Variants in DMD observed in about 807,000 individuals in gnomAD.
DMD encodes the protein dystrophin.
A neutral mutation model predicts 330.1 loss-of-function variants in DMD; 63 were observed. The observed-to-expected ratio is 0.19, with a 90% CI of 0.16 to 0.24. The LOEUF (loss-of-function observed/expected upper bound fraction) is 0.24, where lower values mean the gene tolerates loss of function less well. Ranked by LOEUF, DMD falls within the 10% of genes least tolerant of loss-of-function variation. The pLI is 1.00. For missense variants in DMD, 3,344 were observed against 2,684.1 expected, an observed-to-expected ratio of 1.25 and a Z score of -5.43; for synonymous variants, 1,223 against 959.8, an observed-to-expected ratio of 1.27 and a Z score of -5.07.
chrX:33,171,704 T>C (rs199510373), intron 1 of DMD, among the ~76,000 whole-genome samples: 2 of 111,842 alleles, frequency 1.8e-5, no homozygotes, highest in East Asian at 5.6e-4. Context: ...TGCTGCATTT[T>C]ATTAAATTAG....
chrX:32,242,093 C>A (rs189422112), intron 43 of DMD, among the ~76,000 whole-genome samples: 48 of 111,839 alleles, frequency 4.3e-4, no homozygotes, highest in African/African-American at 1.4e-3. Flanking sequence ...GACATGGAGG[C>A]CTGAATCCTA....
At chrX:31,187,376 C>A (rs966367853) in intron 67 of DMD, among the ~76,000 whole-genome samples, 2 of 111,884 alleles carry the variant, frequency 1.8e-5, no homozygotes, top group African/African-American at 6.5e-5. Flanking sequence ...TATGACACGG[C>A]TTAGTTTGCC....
intron 7 of DMD, among the ~76,000 whole-genome samples, chrX:32,725,732 G>A (rs995641014): frequency 9.1e-6 from 1 of 110,486 alleles, no homozygotes; most frequent in African/African-American, 3.3e-5. Context: ...TGGTTAATGG[G>A]TACAAAAATT....
chrX:31,922,625 C>G (rs1003445760), intron 47 of DMD, among the ~76,000 whole-genome samples: 6 of 110,365 alleles, frequency 5.4e-5, no homozygotes, highest in African/African-American at 2.0e-4. Flanking sequence ...AGTGTCAGGA[C>G]TGAATTAGAG....
At chrX:31,630,557 G>T (rs2079082081) in intron 54 of DMD, among the ~76,000 whole-genome samples, 1 of 110,987 alleles carries the variant, frequency 9.0e-6, no homozygotes, top group Non-Finnish European at 1.9e-5. Flanking sequence ...AATGAGTCAA[G>T]AATACTTAAT....
intron 62 of DMD, among the ~76,000 whole-genome samples, chrX:31,318,706 A>G (rs760976485): frequency 8.9e-6 from 1 of 112,288 alleles, no homozygotes; most frequent in Non-Finnish European, 1.9e-5. Context: ...TGAGCATTGC[A>G]TGTAAAAAAA....
chrX:32,406,021 A>G (rs1375192021), intron 30 of DMD, among the ~76,000 whole-genome samples: 1 of 111,257 alleles, frequency 9.0e-6, no homozygotes, highest in Non-Finnish European at 1.9e-5. Flanking sequence ...GCAATTGCGA[A>G]TGGGAGTTCA....
chrX:32,565,788 C>A lies in DMD; in HGVS notation c.1906G>T (p.Val636Leu), dbSNP rs2051629630. 1 of 1,211,272 alleles carries A rather than the reference C, an allele frequency of 8.3e-7. No homozygotes were observed. Among genetic ancestry groups the A allele is most frequent in the East Asian group, 3.0e-5 (1 of 33,831 alleles). The stretch of plus-strand genomic sequence containing the variant: ...AGCCATGCTTCCGTCTTCTGGGTCA[C>A]TGACTTATTCTTCAGTGTTGAAAGA... Reference protein sequence around the residue: ...DLLSTLKNKSVTQKTEAWLDN... With the variant: ...DLLSTLKNKSLTQKTEAWLDN... The change falls in exon 16 of 79, where the codon GTG becomes TTG. Residue 636 changes from valine (V) to leucine (L), a missense_variant. Coordinates refer to ENST00000357033, the MANE Select transcript of DMD (RefSeq NM_004006.3).
intron 16 of DMD, among the ~76,000 whole-genome samples, chrX:32,554,931 AAGAAAGAAAGAGAGAG>A (rs2050108724): frequency 6.9e-5 from 2 of 28,969 alleles, no homozygotes; most frequent in African/African-American, 6.1e-4. Context: ...GAAAGAAAGA[AAGAAAGAAAGAGAGAG>A]AGAGGGAGAG....
chrX:32,177,857 A>G (rs906849393), intron 44 of DMD, among the ~76,000 whole-genome samples: 2 of 111,209 alleles, frequency 1.8e-5, no homozygotes, highest in South Asian at 7.6e-4. Flanking sequence ...GTGGAATGAT[A>G]AAACAGAGTG....
intron 55 of DMD, among the ~76,000 whole-genome samples, chrX:31,625,115 G>A (rs894782111): frequency 2.7e-5 from 3 of 111,911 alleles, no homozygotes; most frequent in Non-Finnish European, 5.6e-5. Context: ...TAAAAATCAG[G>A]AGTTGGCTAT....
chrX:32,645,661 AAG>A (rs896892887), intron 9 of DMD, among the ~76,000 whole-genome samples: 2 of 111,751 alleles, frequency 1.8e-5, no homozygotes, highest in African/African-American at 6.5e-5. Flanking sequence ...AAAATTTAGA[AAG>A]AAAAAAAATA....
intron 34 of DMD, among the ~76,000 whole-genome samples, chrX:32,369,917 T>G: frequency 9.0e-6 from 1 of 111,216 alleles, no homozygotes; most frequent in Non-Finnish European, 1.9e-5. Context: ...TAGCTATTCC[T>G]TTCTCTTACT....
chrX:32,530,332 T>C (rs1383047268), intron 17 of DMD, among the ~76,000 whole-genome samples: 1 of 112,278 alleles, frequency 8.9e-6, no homozygotes, highest in Non-Finnish European at 1.9e-5. Context: ...CATAGAATCG[T>C]TGATTGCAGT....
intron 45 of DMD, among the ~76,000 whole-genome samples, chrX:31,965,464 C>A (rs1603618370): frequency 8.9e-6 from 1 of 111,810 alleles, no homozygotes; most frequent in East Asian, 2.8e-4. Context: ...GAGATGTGTA[C>A]ATATCTGTGA....
intron 41 of DMD, among the ~76,000 whole-genome samples, chrX:32,312,850 A>C (rs1415835139): frequency 9.7e-6 from 1 of 103,038 alleles, no homozygotes. Context: ...TCCTGGACAC[A>C]TACACCCTCC....
At chrX:31,502,388 G>C (rs747370883) in intron 56 of DMD, among the ~76,000 whole-genome samples, 1 of 110,507 alleles carries the variant, frequency 9.0e-6, no homozygotes, top group Non-Finnish European at 1.9e-5. Flanking sequence ...AGAGAAAGAA[G>C]GTCAGAGATA....
chrX:32,067,677 G>A (rs1328756241), intron 44 of DMD, among the ~76,000 whole-genome samples: 2 of 111,657 alleles, frequency 1.8e-5, no homozygotes. Flanking sequence ...TTGCTGCAAA[G>A]GATATGATTT....
intron 7 of DMD, among the ~76,000 whole-genome samples, chrX:32,776,892 T>A (rs1286557518): frequency 8.9e-6 from 1 of 111,779 alleles, no homozygotes; most frequent in Admixed American, 9.5e-5. Flanking sequence ...AATATGCTTG[T>A]GCATGAAAGC....
Sources: gnomAD v4.1 joint callset for allele counts (sites outside exome capture counted in the v4.1 genomes callset) on GRCh38, gnomAD v4.1.1 for gene constraint, MANE v1.5 for transcripts, NCBI Gene and HGNC (gene_info 2026-07-23, HGNC 2026-07-21) for gene names.